DHH: variants seen among roughly 807,000 people sequenced by gnomAD.
DHH encodes desert hedgehog protein.
Under a neutral mutation model 27.6 loss-of-function variants are expected in DHH, and 16 were observed. That is an observed-to-expected ratio of 0.58 (90% CI 0.39 to 0.88). The LOEUF is 0.88. Among genes scored for constraint, DHH ranks in the 40% least tolerant of loss-of-function variants. The pLI is 0.00. For missense variants in DHH, 436 were observed against 563.1 expected (o/e 0.77, Z 2.28); for synonymous variants, 289 against 263.4 (o/e 1.10, Z -0.94).
Position 49,090,752 on chromosome 12 carries a change from A to G in DHH, c.566-268T>C, listed in dbSNP as rs1292646096. Among the ~76,000 whole-genome samples the G allele has an allele frequency of 1.3e-5, 2 of 151,992 alleles. No homozygotes were observed. The highest frequency in any genetic ancestry group is 2.4e-5 in the African/African-American group (1 of 41,338). ...TCTCGCTCTGTCGCCCAGTAGATGG[A>G]GTGCAGTGGCACCATCTCGGCTCAC... is the stretch of plus-strand genomic sequence containing the variant. On this transcript the variant is annotated intron_variant, in intron 2 of 2. Transcript: ENST00000649637. The surrounding 1 kb of genome is among the most constrained non-coding windows in gnomAD (Gnocchi z 5.2).
rs1195930976 is a variant in DHH, at chr12:49,089,861, A to C, written c.1189T>G (p.Ter397GlyextTer5). 1 of 1,541,798 alleles carries C rather than the reference A, an allele frequency of 6.5e-7. No individual in the cohort carries two copies. Among genetic ancestry groups the C allele is most frequent in the African/African-American group, 1.4e-5 (1 of 71,266 alleles). ...LYRLAEELLG[*>G] Reference sequence around the variant, plus strand: ...CGAGGTTTCTATGCCTGGGACGCTCAGCCCAGTAGCTCCTCCGCTAAGCGG... The same window carrying C: ...CGAGGTTTCTATGCCTGGGACGCTCCGCCCAGTAGCTCCTCCGCTAAGCGG... The change falls in exon 3 of 3, where the codon TGA becomes GGA. Residue 397 changes from the stop codon to glycine, a stop_lost. Coordinates refer to ENST00000649637, the MANE Select transcript of DHH (RefSeq NM_021044.4).
In DHH at chr12:49,090,454, C is replaced by T. The variant is rs1363648566; in HGVS notation, c.596G>A (p.Cys199Tyr). ...DNSLAVRAGG[C>Y]FPGNATVRLW... ...GCGCACAGTTGCATTTCCCGGAAAG[C>T]AGCCGCCCGCCCGGACCGCCAGTGA... Residue 199 changes from cysteine (C) to tyrosine (Y), a missense_variant, in exon 3 of 3, where the codon TGC becomes TAC. Transcript: ENST00000649637. This position sits in a 1 kb window ranked among gnomAD's most constrained non-coding sequence, Gnocchi z 5.2. 6.2e-7 allele frequency: 1 copy of T among 1,605,368 alleles called. No homozygotes were observed. Among genetic ancestry groups the T allele is most frequent in the Admixed American group, 1.7e-5 (1 of 59,946 alleles).
intron 1 of DHH, among the ~76,000 whole-genome samples, chr12:49,093,978 T>G (rs867940070): frequency 3.3e-5 from 5 of 152,154 alleles, no homozygotes; most frequent in Middle Eastern, 6.8e-3. Context: ...CCAGCTTCAC[T>G]CTCACTAGTC....
In DHH at chr12:49,090,125, G is replaced by A. The variant is rs745901081; in HGVS notation, c.925C>T (p.Arg309Trp). 2.0e-6 allele frequency: 3 copies of A among 1,507,532 alleles called. No individual in the cohort carries two copies. Among genetic ancestry groups the A allele is most frequent in the South Asian group, 2.6e-5 (2 of 77,582 alleles). 93.4% of individuals were successfully genotyped at this position (1,507,532 alleles called of 1,614,324 possible). The part of the protein sequence containing the change: ...SVLAPGGDAL[R>W]PARVARVARE... ...GCCACACGGGCCACGCGCGCTGGCC[G>A]AAGCGCATCCCCGCCGGGCGCCAGC... Residue 309 changes from arginine to tryptophan, a missense_variant, in exon 3 of 3, where the codon CGG (arginine) becomes TGG (tryptophan). Arg to Trp is a moderately radical substitution (Grantham distance 101). Coordinates refer to ENST00000649637, the MANE Select transcript of DHH (RefSeq NM_021044.4). This position sits in a 1 kb window ranked among gnomAD's most constrained non-coding sequence, Gnocchi z 5.2.
rs1939244508 is a variant in DHH at position 49,088,592 on chromosome 12, A to C, written c.*1267T>G. ...CTTCTGGAGCAGCCCAGCTTCCTCC[A>C]GAGCTTCCATTCCTAACTCAGGGGC... On this transcript the variant is annotated 3_prime_UTR_variant, in exon 3 of 3. Transcript: ENST00000649637. 6.6e-6 allele frequency among the ~76,000 whole-genome samples: 1 copy of C among 152,150 alleles called. No homozygotes were observed. Among genetic ancestry groups the C allele is most frequent in the Non-Finnish European group, 1.5e-5 (1 of 68,034 alleles).
At position 49,087,967 on chromosome 12, in the gene DHH, T is replaced by C. The variant is rs970128912; in HGVS notation, c.*1892A>G. 1.1e-4 allele frequency among the ~76,000 whole-genome samples: 17 copies of C among 152,122 alleles called. No individual in the cohort carries two copies. The highest frequency in any genetic ancestry group is 3.4e-4 in the African/African-American group (14 of 41,416). Reference sequence around the variant, plus strand: ...CCTCAGTGTGGGTTGAGGGCAGCAGTGGGTGGAAGGACACCAAAGGTAAAC... The same window carrying C: ...CCTCAGTGTGGGTTGAGGGCAGCAGCGGGTGGAAGGACACCAAAGGTAAAC... On this transcript the variant is annotated 3_prime_UTR_variant, in exon 3 of 3. Coordinates refer to ENST00000649637, the MANE Select transcript of DHH (RefSeq NM_021044.4).
chr12:49,089,723 A>G lies in DHH; in HGVS notation c.*136T>C. 8.0e-7 allele frequency: 1 copy of G among 1,256,056 alleles called. No individual in the cohort carries two copies. The highest frequency in any genetic ancestry group is 1.1e-6 in the Non-Finnish European group (1 of 948,350). The allele number at this position is 1,256,056 out of a possible 1,614,324, so 77.8% of individuals were successfully genotyped here. A position where few individuals can be genotyped will look rare whatever the true frequency, so the allele number is the denominator to read the frequency against. On this transcript the variant is annotated 3_prime_UTR_variant, in exon 3 of 3. Transcript: ENST00000649637. ...CTCAGTACGAGGTTGCCCCTAAGCCAGGCATAGCCCCATTTTCTCCCTCCC... is the reference window on the plus strand; with the variant it reads ...CTCAGTACGAGGTTGCCCCTAAGCCGGGCATAGCCCCATTTTCTCCCTCCC...
In DHH at chr12:49,091,231, G is replaced by C. The variant is rs1939297577; in HGVS notation, c.462C>G (p.Arg154=). The change falls in exon 2 of 3, where the codon CGC becomes CGG. Residue 154 remains arginine (R), a synonymous_variant. Transcript: ENST00000649637. This position sits in a 1 kb window ranked among gnomAD's most constrained non-coding sequence, Gnocchi z 4.8. ...CCAGCAACCCATACTTGTTGCGGTC[G>C]CGGTCAGACGTAGTGATGTCCAAAG... ...GRALDITTSD[R]DRNKYGLLAR... is the part of the protein sequence containing the mutation. 1 of 1,614,220 alleles carries C rather than the reference G, an allele frequency of 6.2e-7. No individual in the cohort carries two copies. Among genetic ancestry groups the C allele is most frequent in the Admixed American group, 1.7e-5 (1 of 60,026 alleles).
Position 49,090,986 on chromosome 12 carries a change from G to C in DHH, c.565+142C>G. On this transcript the variant is annotated intron_variant, in intron 2 of 2. Coordinates refer to ENST00000649637, the MANE Select transcript of DHH (RefSeq NM_021044.4). This position sits in a 1 kb window ranked among gnomAD's most constrained non-coding sequence, Gnocchi z 5.2. Reference sequence around the variant, plus strand: ...CAAAGTGCTGGGATTAGAGGCGTGAGGCACCGCCTCGGCCTGGACGGGTGG... The same window carrying C: ...CAAAGTGCTGGGATTAGAGGCGTGACGCACCGCCTCGGCCTGGACGGGTGG... The C allele has an allele frequency of 7.8e-7, 1 of 1,286,798 alleles. No homozygotes were observed. 79.7% of individuals were successfully genotyped at this position (1,286,798 alleles called of 1,614,324 possible). A position where few individuals can be genotyped will look rare whatever the true frequency, so the allele number is the denominator to read the frequency against.
At chr12:49,093,078 T>C (rs2120835583) in intron 1 of DHH, 1 of 152,302 alleles carries the variant, frequency 6.6e-6, no homozygotes, top group African/African-American at 2.4e-5. Flanking sequence ...GGAAAGTATA[T>C]AGGGCTTAGA....
At position 49,091,541 on chromosome 12, in the gene DHH, A is replaced by G; in HGVS notation, c.304-152T>C. On this transcript the variant is annotated intron_variant, in intron 1 of 2. Transcript: ENST00000649637. This position sits in a 1 kb window ranked among gnomAD's most constrained non-coding sequence, Gnocchi z 4.8. Reference sequence around the variant, plus strand: ...AGAAATGAGAATCTGAGTCGATGGTAGTCACCAATCTGCACTCTGTTCCCA... The same window carrying G: ...AGAAATGAGAATCTGAGTCGATGGTGGTCACCAATCTGCACTCTGTTCCCA... 8.3e-7 allele frequency: 1 copy of G among 1,210,544 alleles called. No homozygotes were observed. The highest frequency in any genetic ancestry group is 1.4e-5 in the South Asian group (1 of 73,298). 75.0% of individuals were successfully genotyped at this position (1,210,544 alleles called of 1,614,324 possible). A position where few individuals can be genotyped will look rare whatever the true frequency, so the allele number is the denominator to read the frequency against.
chr12:49,089,637 A>T lies in DHH; in HGVS notation c.*222T>A. The T allele has an allele frequency of 2.3e-6, 1 of 428,712 alleles. No homozygotes were observed. Among genetic ancestry groups the T allele is most frequent in the Non-Finnish European group, 4.0e-6 (1 of 247,212 alleles). 26.6% of individuals were successfully genotyped at this position (428,712 alleles called of 1,614,324 possible). The stretch of plus-strand genomic sequence containing the variant: ...TGAAGCACTGGGGGAGAGGCTAAAT[A>T]GTCCTCTTTAAGGAGTGCGCACCAT... On this transcript the variant is annotated 3_prime_UTR_variant, in exon 3 of 3. Coordinates refer to ENST00000649637, the MANE Select transcript of DHH (RefSeq NM_021044.4).
intron 1 of DHH, among the ~76,000 whole-genome samples, chr12:49,092,591 G>T (rs1419710920): frequency 6.6e-6 from 1 of 152,166 alleles, no homozygotes; most frequent in African/African-American, 2.4e-5. Flanking sequence ...CCTCCACCCC[G>T]CAGAGTTGGG....
In DHH at chr12:49,088,138, A is replaced by G. The variant is rs1939237065; in HGVS notation, c.*1721T>C. 6.6e-6 allele frequency among the ~76,000 whole-genome samples: 1 copy of G among 152,146 alleles called. No individual in the cohort carries two copies. The highest frequency in any genetic ancestry group is 1.5e-5 in the Non-Finnish European group (1 of 68,014). ...TACATAAGGAAGTCTGGGCTACTAC[A>G]GGTATACTAGTAGGGCATCTGCAGC... On this transcript the variant is annotated 3_prime_UTR_variant, in exon 3 of 3. Transcript: ENST00000649637.
rs1939252191 is a variant in DHH at position 49,089,172 on chromosome 12, C to T, written c.*687G>A. On this transcript the variant is annotated 3_prime_UTR_variant, in exon 3 of 3. Transcript: ENST00000649637. Reference sequence around the variant, plus strand: ...GCACAGTCTTTCCCACCTGGGACAACCCTGGACCCTTCAGCCGCAGGAGCG... The same window carrying T: ...GCACAGTCTTTCCCACCTGGGACAATCCTGGACCCTTCAGCCGCAGGAGCG... Among the ~76,000 whole-genome samples, 2 of 152,274 alleles carry T rather than the reference C, an allele frequency of 1.3e-5. No individual in the cohort carries two copies. Among genetic ancestry groups the T allele is most frequent in the South Asian group, 4.1e-4 (2 of 4,832 alleles).
At position 49,090,486 on chromosome 12, in the gene DHH, T is replaced by C. The variant is rs1178487029; in HGVS notation, c.566-2A>G. 5 of 1,599,736 alleles carry C rather than the reference T, an allele frequency of 3.1e-6. No homozygotes were observed. The Admixed American group carries it at 6.7e-5, about 21-fold the overall frequency. ...CCGCCCGGACCGCCAGTGAGTTATC[T>C]GCAGGGAACAACCACAGGGAGGATT... On this transcript the variant is annotated splice_acceptor_variant, in intron 2 of 2. Coordinates refer to ENST00000649637, the MANE Select transcript of DHH (RefSeq NM_021044.4). LOFTEE classifies it high-confidence loss of function. The surrounding 1 kb of genome is among the most constrained non-coding windows in gnomAD (Gnocchi z 5.2).
chr12:49,090,993 C>A lies in DHH; in HGVS notation c.565+135G>T. On this transcript the variant is annotated intron_variant, in intron 2 of 2. Transcript: ENST00000649637. This position sits in a 1 kb window ranked among gnomAD's most constrained non-coding sequence, Gnocchi z 5.2. ...CTGGGATTAGAGGCGTGAGGCACCG[C>A]CTCGGCCTGGACGGGTGGTTTTCAA... The A allele has an allele frequency of 7.3e-7, 1 of 1,371,028 alleles. No individual in the cohort carries two copies. The allele number at this position is 1,371,028 out of a possible 1,614,324, so 84.9% of individuals were successfully genotyped here. A position where few individuals can be genotyped will look rare whatever the true frequency, so the allele number is the denominator to read the frequency against.
Position 49,088,404 on chromosome 12 carries a change from C to T in DHH, c.*1455G>A, listed in dbSNP as rs114938041. ...GCCTTCCGTTTCAGAGAACCATATG[C>T]ATAGGCCTAGAATTCTCTTGAAGGC... On this transcript the variant is annotated 3_prime_UTR_variant, in exon 3 of 3. Transcript: ENST00000649637. 4.3e-3 allele frequency among the ~76,000 whole-genome samples: 648 copies of T among 152,312 alleles called. 2 individuals carry two copies. Among genetic ancestry groups the T allele is most frequent in the African/African-American group, 0.014 (602 of 41,568 alleles).
chr12:49,092,295 C>T (rs1040791422), intron 1 of DHH: 1 of 152,308 alleles, frequency 6.6e-6, no homozygotes, highest in African/African-American at 2.4e-5. Context: ...GGGAGTAGCA[C>T]CTGAGAATAA....
Sources: allele counts gnomAD v4.1 joint callset (sites outside exome capture counted in the v4.1 genomes callset), GRCh38; gene constraint gnomAD v4.1.1; non-coding constraint Gnocchi (gnomAD v3.1); transcripts MANE v1.5; gene names NCBI Gene and HGNC (gene_info 2026-07-23, HGNC 2026-07-21).